EPB41: variants seen among roughly 807,000 people sequenced by gnomAD.
The protein encoded by EPB41 is protein 4.1.
A neutral mutation model predicts 108.0 loss-of-function variants in EPB41; 65 were observed. That is an observed-to-expected ratio of 0.60 (90% CI 0.49 to 0.74). The LOEUF (loss-of-function observed/expected upper bound fraction) is 0.74, where lower values mean the gene tolerates loss of function less well. Among genes scored for constraint, EPB41 ranks in the 30% least tolerant of loss-of-function variants. The pLI is 0.00. For missense variants in EPB41, 875 were observed against 1,037.0 expected (o/e 0.84, Z 2.15); for synonymous variants, 336 against 358.9 (o/e 0.94, Z 0.72).
In EPB41 at chr1:29,115,886, G is replaced by T; in HGVS notation, c.*6+83G>T. 1 of 1,065,084 alleles carries T rather than the reference G, an allele frequency of 9.4e-7. No homozygotes were observed. 66.0% of individuals were successfully genotyped at this position (1,065,084 alleles called of 1,614,324 possible). A position where few individuals can be genotyped will look rare whatever the true frequency, so the allele number is the denominator to read the frequency against. On this transcript the variant is annotated intron_variant, in intron 20 of 20. Transcript: ENST00000343067. The surrounding 1 kb of genome is among the most constrained non-coding windows in gnomAD (Gnocchi z 4.4). The stretch of plus-strand genomic sequence containing the variant: ...TGGATGGGACCCTCGGACACACTGG[G>T]AGCCCATCCCCACAAAGAGGTGTTC...
chr1:29,078,485 G>A (rs1050791275), intron 16 of EPB41, among the ~76,000 whole-genome samples: 4 of 152,064 alleles, frequency 2.6e-5, no homozygotes, highest in Non-Finnish European at 5.9e-5. Context: ...ACTGCTGGGC[G>A]TGATGGTTCA....
chr1:29,042,216 A>G (rs1641790798), intron 11 of EPB41, among the ~76,000 whole-genome samples: 1 of 152,318 alleles, frequency 6.6e-6, no homozygotes, highest in African/African-American at 2.4e-5. Context: ...TTGGTTTCAT[A>G]GTTTAGTCAT....
At chr1:28,925,740 GA>G (rs1357842303) in intron 1 of EPB41, among the ~76,000 whole-genome samples, 4 of 152,164 alleles carry the variant, frequency 2.6e-5, no homozygotes, top group Non-Finnish European at 4.4e-5. Flanking sequence ...AAAGTAGCAG[GA>G]GTTTAATTCA....
chr1:28,946,798 T>G (rs2094503640), intron 1 of EPB41, among the ~76,000 whole-genome samples: 1 of 152,148 alleles, frequency 6.6e-6, no homozygotes, highest in Admixed American at 6.6e-5. Context: ...AGGGCTGCCC[T>G]AGGGTTCACT....
At chr1:29,092,031 T>G (rs1157873598) in intron 16 of EPB41, among the ~76,000 whole-genome samples, 3 of 151,920 alleles carry the variant, frequency 2.0e-5, no homozygotes, top group Admixed American at 2.0e-4. Context: ...TTGATTTGAG[T>G]ACTACAGTGT....
At chr1:28,926,031 T>TA (rs1180580035) in intron 1 of EPB41, among the ~76,000 whole-genome samples, 1 of 141,074 alleles carries the variant, frequency 7.1e-6, no homozygotes, top group African/African-American at 2.8e-5. Context: ...CTGGGCAACA[T>TA]AGAGAGACCC....
intron 1 of EPB41, among the ~76,000 whole-genome samples, chr1:28,926,861 CAT>C (rs984132809): frequency 1.5e-4 from 23 of 152,302 alleles, no homozygotes; most frequent in African/African-American, 4.1e-4. Flanking sequence ...TATATATAAA[CAT>C]GTGTAATATA....
chr1:29,082,987 G>A lies in EPB41; in HGVS notation c.2185-14820G>A, dbSNP rs1339430371. The stretch of plus-strand genomic sequence containing the variant: ...TTGTGGAATTATTTTCCTATCATAA[G>A]CAATTTTATCAACTCTAGTAAAGGC... On this transcript the variant is annotated intron_variant, in intron 16 of 20. Coordinates refer to ENST00000343067, the MANE Select transcript of EPB41 (RefSeq NM_001376013.1). Among the ~76,000 whole-genome samples, 6 of 152,268 alleles carry A rather than the reference G, an allele frequency of 3.9e-5. No individual in the cohort carries two copies. The South Asian group carries it at 8.3e-4, about 21-fold the overall frequency.
intron 1 of EPB41, among the ~76,000 whole-genome samples, chr1:28,961,199 G>A (rs192866880): frequency 2.0e-5 from 3 of 152,016 alleles, no homozygotes; most frequent in Admixed American, 6.6e-5. Flanking sequence ...TTAGAATTAG[G>A]CAAAAAACAA....
upstream of EPB41, chr1:28,910,920 G>A (rs1007873108): frequency 7.3e-6 from 7 of 959,992 alleles, no homozygotes; most frequent in East Asian, 1.2e-4. Context: ...CCATCCTGGG[G>A]CTTGGGGCAT....
intron 12 of EPB41, among the ~76,000 whole-genome samples, chr1:29,057,525 G>A (rs929360679): frequency 6.6e-6 from 1 of 152,048 alleles, no homozygotes; most frequent in Non-Finnish European, 1.5e-5. Context: ...ACTCAGTCTA[G>A]GGAAAATAGC....
intron 8 of EPB41, among the ~76,000 whole-genome samples, chr1:29,031,485 A>C (rs977173846): frequency 6.6e-6 from 1 of 152,186 alleles, no homozygotes; most frequent in African/African-American, 2.4e-5. Context: ...ACTGGCCTAG[A>C]GTAGTGGTTC....
At chr1:28,919,469 C>CTT (rs1004695782) in intron 1 of EPB41, among the ~76,000 whole-genome samples, 7 of 146,154 alleles carry the variant, frequency 4.8e-5, no homozygotes, top group Non-Finnish European at 6.0e-5. Flanking sequence ...TCCTTTCTTT[C>CTT]TTTTTTTTTT....
rs1374350174 is a variant in EPB41 at position 29,115,445 on chromosome 1, A to G, written c.2497-254A>G. Among the ~76,000 whole-genome samples the G allele has an allele frequency of 2.0e-5, 3 of 152,130 alleles. No individual in the cohort carries two copies. Among genetic ancestry groups the G allele is most frequent in the Non-Finnish European group, 4.4e-5 (3 of 68,018 alleles). ...AAAGGATCATATAACAGATACAGCT[A>G]TGACCCCCGAAGTCCCTCTCCAGTT... is the stretch of plus-strand genomic sequence containing the variant. On this transcript the variant is annotated intron_variant, in intron 19 of 20. Transcript: ENST00000343067. The surrounding 1 kb of genome is among the most constrained non-coding windows in gnomAD (Gnocchi z 4.4).
At chr1:29,019,132 T>C (rs1319257667) in intron 7 of EPB41, among the ~76,000 whole-genome samples, 1 of 152,136 alleles carries the variant, frequency 6.6e-6, no homozygotes, top group East Asian at 1.9e-4. Flanking sequence ...AAAGGTATTG[T>C]GGGCTGACCA....
chr1:29,046,681 T>G (rs1438412121), intron 11 of EPB41, among the ~76,000 whole-genome samples: 4 of 152,202 alleles, frequency 2.6e-5, no homozygotes, highest in Non-Finnish European at 5.9e-5. Context: ...TATATGGTAT[T>G]TTCTTTATCA....
At chr1:28,973,709 T>C (rs2095542876) in intron 1 of EPB41, among the ~76,000 whole-genome samples, 1 of 152,008 alleles carries the variant, frequency 6.6e-6, no homozygotes, top group South Asian at 2.1e-4. Flanking sequence ...TTGTTTTCTT[T>C]CTTCCTTCCT....
At chr1:29,032,267 G>A (rs533072122) in intron 8 of EPB41, among the ~76,000 whole-genome samples, 57 of 152,288 alleles carry the variant, frequency 3.7e-4, no homozygotes, top group Non-Finnish European at 3.8e-4. Context: ...GGAAGCTGGT[G>A]TCAATTCAGG....
At chr1:28,942,688 A>G (rs1362234612) in intron 1 of EPB41, among the ~76,000 whole-genome samples, 1 of 152,178 alleles carries the variant, frequency 6.6e-6, no homozygotes, top group Non-Finnish European at 1.5e-5. Context: ...ATCATGGGAC[A>G]TGGGTGATCA....
Sources: allele counts gnomAD v4.1 joint callset (sites outside exome capture counted in the v4.1 genomes callset), GRCh38; gene constraint gnomAD v4.1.1; non-coding constraint Gnocchi (gnomAD v3.1); transcripts MANE v1.5; gene names NCBI Gene and HGNC (gene_info 2026-07-23, HGNC 2026-07-21).